B3GALT1: variants seen among roughly 807,000 people sequenced by gnomAD.
The protein encoded by B3GALT1 is UDP-Gal:betaGlcNAc beta 1,3-galactosyltransferase, polypeptide 1.
B3GALT1 carries 10 observed loss-of-function variants against 23.2 expected under a neutral mutation model. The ratio of observed to expected loss-of-function variants is 0.43; its 90% CI spans 0.27 to 0.73. The LOEUF is 0.73. B3GALT1 is among the 30% of genes least tolerant of loss of function. The pLI is 0.21. For synonymous variants in B3GALT1, 156 were observed against 141.5 expected, an observed-to-expected ratio of 1.10 and a Z score of -0.73; for missense variants, 299 against 405.4, an observed-to-expected ratio of 0.74 and a Z score of 2.25.
chr2:167,559,646 T>A (rs1332470826), intron 2 of B3GALT1, among the ~76,000 whole-genome samples: 2 of 152,074 alleles, frequency 1.3e-5, no homozygotes, highest in Non-Finnish European at 2.9e-5. Context: ...GCTCGAGAAC[T>A]ACGTGAAGAA....
chr2:167,832,562 G>A (rs572371389), intron 4 of B3GALT1, among the ~76,000 whole-genome samples: 1 of 152,280 alleles, frequency 6.6e-6, no homozygotes, highest in East Asian at 1.9e-4. Context: ...AATATGAGGA[G>A]TTTCAATTAA....
intron 3 of B3GALT1, among the ~76,000 whole-genome samples, chr2:167,765,388 G>T (rs1038871071): frequency 2.0e-5 from 3 of 152,120 alleles, no homozygotes; most frequent in Non-Finnish European, 4.4e-5. Context: ...TCCACTCGGC[G>T]CTATGGCAAA....
chr2:167,366,355 G>A lies in B3GALT1; in HGVS notation c.-511+73021G>A, dbSNP rs527393772. 7.9e-5 allele frequency among the ~76,000 whole-genome samples: 12 copies of A among 152,244 alleles called. No homozygotes were observed. In the East Asian group the frequency reaches 2.3e-3, roughly 29 times the overall value. On this transcript the variant is annotated intron_variant, in intron 1 of 4. Coordinates refer to ENST00000392690, the MANE Select transcript of B3GALT1 (RefSeq NM_020981.4). ...AAGGGAAATATGCTAACAGTGAATA[G>A]GCTCAGATATATAGAATAGTTTTGA... is the stretch of plus-strand genomic sequence containing the variant.
chr2:167,619,152 T>C (rs185854767), intron 2 of B3GALT1, among the ~76,000 whole-genome samples: 127 of 152,108 alleles, frequency 8.3e-4, no homozygotes, highest in African/African-American at 3.0e-3. Flanking sequence ...CTCTCATTTA[T>C]TTTTATCTGT....
intron 2 of B3GALT1, among the ~76,000 whole-genome samples, chr2:167,607,200 TA>T (rs1162888191): frequency 5.9e-5 from 9 of 152,148 alleles, no homozygotes; most frequent in Admixed American, 5.9e-4. Flanking sequence ...ATGAAAGAAA[TA>T]AAAAGAAGAG....
chr2:167,360,971 C>G (rs1490323020), intron 1 of B3GALT1, among the ~76,000 whole-genome samples: 2 of 152,090 alleles, frequency 1.3e-5, no homozygotes, highest in South Asian at 2.1e-4. Flanking sequence ...TCTTTCTGTA[C>G]CTGGCTTATT....
intron 1 of B3GALT1, among the ~76,000 whole-genome samples, chr2:167,410,877 C>A (rs914798145): frequency 1.3e-5 from 2 of 151,994 alleles, no homozygotes; most frequent in African/African-American, 4.8e-5. Context: ...TTAAGATTGA[C>A]CTTGTGTAAG....
At chr2:167,561,133 G>C (rs546051751) in intron 2 of B3GALT1, among the ~76,000 whole-genome samples, 1 of 152,138 alleles carries the variant, frequency 6.6e-6, no homozygotes, top group African/African-American at 2.4e-5. Context: ...TCAAACTAGA[G>C]CTCAGGATTA....
intron 3 of B3GALT1, among the ~76,000 whole-genome samples, chr2:167,706,231 A>T (rs1488325809): frequency 6.6e-6 from 1 of 152,210 alleles, no homozygotes; most frequent in African/African-American, 2.4e-5. Flanking sequence ...GATATAAAGA[A>T]ACTGTGGCAA....
At chr2:167,750,880 G>A (rs966741702) in intron 3 of B3GALT1, among the ~76,000 whole-genome samples, 2 of 152,036 alleles carry the variant, frequency 1.3e-5, no homozygotes, top group Non-Finnish European at 2.9e-5. Flanking sequence ...TATGCCACGG[G>A]CAGGAATCTA....
chr2:167,534,716 T>C (rs1023868011), intron 2 of B3GALT1, among the ~76,000 whole-genome samples: 1 of 152,170 alleles, frequency 6.6e-6, no homozygotes, highest in African/African-American at 2.4e-5. Context: ...AGAAAGTATA[T>C]AGATATTTAG....
At chr2:167,601,205 A>G (rs1684872279) in intron 2 of B3GALT1, among the ~76,000 whole-genome samples, 1 of 152,040 alleles carries the variant, frequency 6.6e-6, no homozygotes. Flanking sequence ...AATTACAGGC[A>G]CGTGCCACCA....
intron 3 of B3GALT1, among the ~76,000 whole-genome samples, chr2:167,710,191 TACTC>T (rs1270122665): frequency 1.3e-5 from 2 of 152,170 alleles, no homozygotes; most frequent in African/African-American, 4.8e-5. Flanking sequence ...AGACTATAAA[TACTC>T]AACCAAGAAA....
intron 2 of B3GALT1, among the ~76,000 whole-genome samples, chr2:167,518,091 A>G (rs1467451640): frequency 6.6e-6 from 1 of 152,118 alleles, no homozygotes; most frequent in African/African-American, 2.4e-5. Flanking sequence ...TTTTGCCATG[A>G]GCTCTTCACA....
chr2:167,505,346 A>C (rs920279686), intron 2 of B3GALT1, among the ~76,000 whole-genome samples: 3 of 152,208 alleles, frequency 2.0e-5, no homozygotes, highest in Admixed American at 1.3e-4. Flanking sequence ...AAAAGAAAGG[A>C]GTATTTTTAA....
intron 1 of B3GALT1, among the ~76,000 whole-genome samples, chr2:167,394,036 C>G (rs1182573476): frequency 1.3e-5 from 2 of 152,134 alleles, no homozygotes; most frequent in Non-Finnish European, 2.9e-5. Context: ...TACCAGAGTT[C>G]TTATCTAAAA....
At chr2:167,552,370 A>G (rs920339885) in intron 2 of B3GALT1, among the ~76,000 whole-genome samples, 1 of 152,212 alleles carries the variant, frequency 6.6e-6, no homozygotes, top group Non-Finnish European at 1.5e-5. Context: ...AGACGTGTAC[A>G]ACCTTGCATT....
intron 3 of B3GALT1, among the ~76,000 whole-genome samples, chr2:167,773,338 CCTAATTTA>C (rs1212481365): frequency 6.6e-6 from 1 of 151,606 alleles, no homozygotes; most frequent in African/African-American, 2.4e-5. Context: ...TTTAATTTAC[CCTAATTTA>C]CTATGCATTT....
chr2:167,745,257 A>G (rs985760487), intron 3 of B3GALT1, among the ~76,000 whole-genome samples: 4 of 149,754 alleles, frequency 2.7e-5, no homozygotes, highest in African/African-American at 9.7e-5. Flanking sequence ...GAAACATGTA[A>G]TGTAGATTGT....
Sources: allele counts gnomAD v4.1 joint callset (sites outside exome capture counted in the v4.1 genomes callset), GRCh38; gene constraint gnomAD v4.1.1; transcripts MANE v1.5; gene names NCBI Gene and HGNC (gene_info 2026-07-23, HGNC 2026-07-21).